JAKMIP2: variants seen among roughly 807,000 people sequenced by gnomAD.
The protein encoded by JAKMIP2 is janus kinase and microtubule-interacting protein 2.
A neutral mutation model predicts 115.0 loss-of-function variants in JAKMIP2; 25 were observed. That is an observed-to-expected ratio of 0.22 (90% CI 0.16 to 0.30). JAKMIP2 has a LOEUF of 0.30. Ranked by LOEUF, JAKMIP2 falls within the 10% of genes least tolerant of loss-of-function variation. The probability of loss-of-function intolerance (pLI) is 1.00; values close to 1 mark genes in which losing one functional copy is unlikely to be tolerated. For synonymous variants in JAKMIP2, 334 were observed against 343.6 expected, an observed-to-expected ratio of 0.97 and a Z score of 0.31; for missense variants, 642 against 957.6, an observed-to-expected ratio of 0.67 and a Z score of 4.35.
rs1265881360 is a variant in JAKMIP2, at chr5:147,588,409, T to C, written c.*3298A>G. 1 of 100,632 alleles carries C rather than the reference T, an allele frequency of 9.9e-6. No homozygotes were observed. The highest frequency in any genetic ancestry group is 2.1e-5 in the Non-Finnish European group (1 of 47,466). The allele number at this position is 100,632 out of a possible 1,614,324, so 6.2% of individuals were successfully genotyped here. ...ACAGGAAATCTCAGTTATTGATAAC[T>C]TTTTTTTTTTTTTTTTTGCTATTGC... On this transcript the variant is annotated 3_prime_UTR_variant, in exon 22 of 22. Coordinates refer to ENST00000616793, the MANE Select transcript of JAKMIP2 (RefSeq NM_001270941.2).
intron 1 of JAKMIP2, among the ~76,000 whole-genome samples, chr5:147,702,456 A>AG (rs1752367106): frequency 8.0e-6 from 1 of 125,356 alleles, no homozygotes; most frequent in African/African-American, 3.5e-5. Context: ...GAAGGAAGGA[A>AG]GGAAGGAAGG....
chr5:147,720,658 G>T (rs1044076180), intron 1 of JAKMIP2, among the ~76,000 whole-genome samples: 4 of 151,946 alleles, frequency 2.6e-5, no homozygotes, highest in African/African-American at 9.7e-5. Context: ...TGAGGCTTCT[G>T]CATTCTTCAC....
At chr5:147,765,209 A>G (rs1275496318) in intron 1 of JAKMIP2, among the ~76,000 whole-genome samples, 1 of 152,226 alleles carries the variant, frequency 6.6e-6, no homozygotes, top group African/African-American at 2.4e-5. Flanking sequence ...ATCACAATTC[A>G]TTTTGGAAAT....
intron 1 of JAKMIP2, among the ~76,000 whole-genome samples, chr5:147,723,504 G>A (rs1280259999): frequency 1.3e-5 from 2 of 152,008 alleles, no homozygotes; most frequent in Non-Finnish European, 2.9e-5. Flanking sequence ...GGGAAGATTG[G>A]TTACTTTTCA....
intron 1 of JAKMIP2, among the ~76,000 whole-genome samples, chr5:147,723,496 G>T (rs903411194): frequency 6.6e-6 from 1 of 152,074 alleles, no homozygotes; most frequent in African/African-American, 2.4e-5. Context: ...ACTATGAGGG[G>T]AAGATTGGTT....
At position 147,782,327 on chromosome 5, in the gene JAKMIP2, C is replaced by CT; in HGVS notation, c.-149+128dup. On this transcript the variant is annotated intron_variant, in intron 1 of 21. Transcript: ENST00000616793. ...GCTTCCTCTCCCTCCATCCTCATCT[C>CT]TGTCTCCACATCTCCCCCTTCTAGT... The CT allele has an allele frequency of 3.3e-6, 3 of 905,296 alleles. No homozygotes were observed. In the South Asian group the frequency reaches 4.3e-5, roughly 13 times the overall value. 56.1% of individuals were successfully genotyped at this position (905,296 alleles called of 1,614,324 possible).
intron 17 of JAKMIP2, among the ~76,000 whole-genome samples, chr5:147,621,850 A>T (rs150351526): frequency 2.6e-4 from 39 of 152,296 alleles, no homozygotes; most frequent in African/African-American, 8.9e-4. Flanking sequence ...GATAACATTA[A>T]TCATAATCTT....
At chr5:147,644,592 C>A (rs898927113) in intron 6 of JAKMIP2, among the ~76,000 whole-genome samples, 6 of 152,208 alleles carry the variant, frequency 3.9e-5, no homozygotes, top group African/African-American at 1.4e-4. Flanking sequence ...TATGTCAAAG[C>A]TTTCCTTCTC....
intron 1 of JAKMIP2, among the ~76,000 whole-genome samples, chr5:147,775,789 T>C (rs979981486): frequency 3.3e-5 from 5 of 152,196 alleles, no homozygotes; most frequent in Non-Finnish European, 7.3e-5. Context: ...CATTCTTTCA[T>C]TCATTCAGCC....
rs893506046 is a variant in JAKMIP2, at chr5:147,618,202, G to A, written c.2143-88C>T. On this transcript the variant is annotated intron_variant, in intron 18 of 21. Transcript: ENST00000616793. ...GTATGCTATGTATGTATATGTATAT[G>A]GCTGCCAACTTTAGGCTTATAGGAT... is the stretch of plus-strand genomic sequence containing the variant. The A allele has an allele frequency of 1.2e-5, 11 of 940,044 alleles. No homozygotes were observed. The African/African-American group carries it at 1.3e-4, about 11-fold the overall frequency. 58.2% of individuals were successfully genotyped at this position (940,044 alleles called of 1,614,324 possible).
chr5:147,742,898 A>G (rs1754203275), intron 1 of JAKMIP2, among the ~76,000 whole-genome samples: 4 of 152,200 alleles, frequency 2.6e-5, no homozygotes, highest in Admixed American at 2.6e-4. Flanking sequence ...TTCTTGGCAC[A>G]TAGTAGATAT....
At chr5:147,661,585 G>T (rs1447422030) in intron 2 of JAKMIP2, 140 bp from the exon 3 acceptor site, 3 of 790,260 alleles carry the variant, frequency 3.8e-6, no homozygotes, top group Admixed American at 5.5e-5. Flanking sequence ...TGAGAAAAAA[G>T]AACTACAGGC....
At chr5:147,658,189 T>G (rs1758774297) in intron 3 of JAKMIP2, among the ~76,000 whole-genome samples, 1 of 151,952 alleles carries the variant, frequency 6.6e-6, no homozygotes, top group Admixed American at 6.6e-5. Context: ...TGTGGGAGGG[T>G]CTTTTGTTGA....
chr5:147,773,621 C>T (rs1561587601), intron 1 of JAKMIP2, among the ~76,000 whole-genome samples: 1 of 152,052 alleles, frequency 6.6e-6, no homozygotes, highest in Non-Finnish European at 1.5e-5. Context: ...AAGTCACATA[C>T]CATAGTTAAA....
chr5:147,762,299 A>G (rs1351202061), intron 1 of JAKMIP2, among the ~76,000 whole-genome samples: 5 of 152,098 alleles, frequency 3.3e-5, no homozygotes, highest in African/African-American at 9.7e-5. Flanking sequence ...TTATAGTTAC[A>G]TTATATACTA....
At chr5:147,754,789 C>A (rs1754686038) in intron 1 of JAKMIP2, among the ~76,000 whole-genome samples, 1 of 152,152 alleles carries the variant, frequency 6.6e-6, no homozygotes, top group South Asian at 2.1e-4. Context: ...ATTGTGAAAA[C>A]TTATATTCTA....
At chr5:147,628,592 T>C (rs577156407) in intron 16 of JAKMIP2, among the ~76,000 whole-genome samples, 159 bp downstream of exon 16, 2 of 152,320 alleles carry the variant, frequency 1.3e-5, no homozygotes, top group South Asian at 4.1e-4. Flanking sequence ...CGTTTGGGTG[T>C]TCTCATTCTA....
chr5:147,730,344 A>AG (rs1165907673), intron 1 of JAKMIP2, among the ~76,000 whole-genome samples: 1 of 152,210 alleles, frequency 6.6e-6, no homozygotes, highest in Non-Finnish European at 1.5e-5. Flanking sequence ...CTGCTAAGTC[A>AG]GTTTGGCAAA....
intron 13 of JAKMIP2, 48 bp downstream of exon 13, chr5:147,632,632 T>C (rs368828783): frequency 9.6e-5 from 114 of 1,192,924 alleles, no homozygotes; most frequent in Non-Finnish European, 1.4e-4. Context: ...GCTCTGTGCA[T>C]GTTAATCATT....
Sources: gnomAD v4.1 joint callset for allele counts (sites outside exome capture counted in the v4.1 genomes callset) on GRCh38, gnomAD v4.1.1 for gene constraint, MANE v1.5 for transcripts, NCBI Gene and HGNC (gene_info 2026-07-23, HGNC 2026-07-21) for gene names.